Variants in TAOK3 observed in about 807,000 individuals in gnomAD.
TAOK3 encodes the protein serine/threonine-protein kinase TAO3.
TAOK3 carries 40 observed loss-of-function variants against 120.4 expected under a neutral mutation model. The ratio of observed to expected loss-of-function variants is 0.33; its 90% CI spans 0.26 to 0.43. The LOEUF (loss-of-function observed/expected upper bound fraction) is 0.43. TAOK3 is among the 20% of genes least tolerant of loss of function. TAOK3 has a pLI of 1.00. For missense variants in TAOK3, 821 were observed against 1,112.1 expected (o/e 0.74, Z 3.72); for synonymous variants, 355 against 387.5 (o/e 0.92, Z 0.99).
intron 17 of TAOK3, among the ~76,000 whole-genome samples, chr12:118,166,336 C>T (rs927702689): frequency 5.9e-5 from 9 of 152,070 alleles, no homozygotes; most frequent in African/African-American, 9.7e-5. Flanking sequence ...GTCAGGAGTT[C>T]GAGATCAGCC....
At chr12:118,187,077 G>A (rs1353913892) in intron 14 of TAOK3, among the ~76,000 whole-genome samples, 7 of 152,134 alleles carry the variant, frequency 4.6e-5, no homozygotes, top group South Asian at 2.1e-4. Context: ...TTGTCAGTTT[G>A]CAAGTAAATT....
intron 1 of TAOK3, among the ~76,000 whole-genome samples, chr12:118,338,556 G>C (rs991564604): frequency 6.6e-6 from 1 of 151,940 alleles, no homozygotes; most frequent in Non-Finnish European, 1.5e-5. Flanking sequence ...GGGAGGCCGA[G>C]GTGGGCGGAT....
At chr12:118,310,268 G>A (rs2043215042) in intron 1 of TAOK3, among the ~76,000 whole-genome samples, 1 of 152,192 alleles carries the variant, frequency 6.6e-6, no homozygotes, top group African/African-American at 2.4e-5. Flanking sequence ...CTACAACAGA[G>A]TGAGATTACA....
intron 11 of TAOK3, among the ~76,000 whole-genome samples, chr12:118,207,345 A>G (rs866524784): frequency 1.3e-5 from 2 of 151,242 alleles, no homozygotes; most frequent in Admixed American, 1.3e-4. Context: ...AAAAAAAAAA[A>G]GAAAGAAAAT....
chr12:118,333,996 G>A (rs551118866), intron 1 of TAOK3, among the ~76,000 whole-genome samples: 10 of 151,820 alleles, frequency 6.6e-5, no homozygotes, highest in South Asian at 4.2e-4. Flanking sequence ...TTAGCCAGGC[G>A]TGGTGGTGCA....
Position 118,244,939 on chromosome 12 carries a change from C to T in TAOK3, c.147G>A (p.Val49=). 1 of 1,610,368 alleles carries T rather than the reference C, an allele frequency of 6.2e-7. No individual in the cohort carries two copies. Among genetic ancestry groups the T allele is most frequent in the Non-Finnish European group, 8.5e-7 (1 of 1,177,108 alleles). The change falls in exon 4 of 21, where the codon GTG becomes GTA. Residue 49 remains valine, a synonymous_variant. Coordinates refer to ENST00000392533, the MANE Select transcript of TAOK3 (RefSeq NM_016281.4). ...YFATNAHTSE[V]VAIKKMSYSG... The stretch of plus-strand genomic sequence containing the variant: ...TATAGGACATCTTCTTAATTGCCAC[C>T]ACCTCACTGGTGTGAGCATTTGTAG...
At chr12:118,325,627 C>T (rs2043904691) in intron 1 of TAOK3, among the ~76,000 whole-genome samples, 1 of 152,032 alleles carries the variant, frequency 6.6e-6, no homozygotes, top group Non-Finnish European at 1.5e-5. Context: ...TAATCCTTGT[C>T]AGATAGGTAG....
intron 1 of TAOK3, among the ~76,000 whole-genome samples, chr12:118,333,201 T>C (rs571470110): frequency 2.0e-5 from 3 of 152,196 alleles, no homozygotes; most frequent in Non-Finnish European, 2.9e-5. Flanking sequence ...TCAAGTGCCA[T>C]GGAATATTCA....
chr12:118,367,722 A>T (rs189522429), intron 1 of TAOK3, among the ~76,000 whole-genome samples: 76 of 152,078 alleles, frequency 5.0e-4, no homozygotes, highest in African/African-American at 1.3e-3. Context: ...CTGAAAAGTC[A>T]TCTTTTTTCG....
In TAOK3 at chr12:118,241,552, T is replaced by G. The variant is rs184311397; in HGVS notation, c.294+1863A>C. On this transcript the variant is annotated intron_variant, in intron 5 of 20. Coordinates refer to ENST00000392533, the MANE Select transcript of TAOK3 (RefSeq NM_016281.4). ...ACTCAGCATTTTTGTCACAAATATTTTTTCCCCTATTATTCTATAACACAA... is the reference window on the plus strand; with the variant it reads ...ACTCAGCATTTTTGTCACAAATATTGTTTCCCCTATTATTCTATAACACAA... Among the ~76,000 whole-genome samples the G allele has an allele frequency of 2.8e-4, 42 of 152,310 alleles. 1 individual carries two copies. The highest frequency in any genetic ancestry group is 1.1e-3 in the Admixed American group (17 of 15,294).
chr12:118,212,392 T>C (rs911932012), intron 11 of TAOK3, among the ~76,000 whole-genome samples: 13 of 152,252 alleles, frequency 8.5e-5, no homozygotes, highest in African/African-American at 3.1e-4. Context: ...AAGAGATGCT[T>C]GGTGATAATT....
chr12:118,182,793 A>T (rs565896966), intron 14 of TAOK3, among the ~76,000 whole-genome samples: 4 of 151,796 alleles, frequency 2.6e-5, no homozygotes, highest in Non-Finnish European at 5.9e-5. Flanking sequence ...TTACCAAATT[A>T]TAATACATTC....
chr12:118,332,090 G>T (rs969284039), intron 1 of TAOK3, among the ~76,000 whole-genome samples: 1 of 152,216 alleles, frequency 6.6e-6, no homozygotes. Context: ...CTCCCACAGT[G>T]CTGGGATTAC....
intron 1 of TAOK3, among the ~76,000 whole-genome samples, chr12:118,305,630 C>A (rs558813272): frequency 6.6e-6 from 1 of 152,008 alleles, no homozygotes; most frequent in Non-Finnish European, 1.5e-5. Context: ...GGCGGCTGGG[C>A]GTGGTGGCTC....
intron 1 of TAOK3, among the ~76,000 whole-genome samples, chr12:118,351,383 A>T (rs2045145457): frequency 6.6e-6 from 1 of 152,162 alleles, no homozygotes; most frequent in African/African-American, 2.4e-5. Flanking sequence ...ATTCAGCACT[A>T]GTCCAAGGCC....
At position 118,152,331 on chromosome 12, in the gene TAOK3, C is replaced by A; in HGVS notation, c.2431G>T (p.Ala811Ser). 2 of 1,614,132 alleles carry A rather than the reference C, an allele frequency of 1.2e-6. No homozygotes were observed. The part of the protein sequence containing the change: ...QLQQEMELLN[A>S]YQSKIKMQTE... ...TGCATCTTGATTTTGCTCTGGTAGGCGTTGAGCAGCTCCATTTCCTGCTGG... is the reference window on the plus strand; with the variant it reads ...TGCATCTTGATTTTGCTCTGGTAGGAGTTGAGCAGCTCCATTTCCTGCTGG... Residue 811 changes from alanine to serine, a missense_variant, in exon 20 of 21, where the codon GCC becomes TCC. Physicochemically the swap from Ala to Ser is moderately conservative, Grantham distance 99 (BLOSUM62 1). This residue lies in a region of TAOK3 where 354 missense variants were observed against 572.1 expected (regional missense o/e 0.62). Coordinates refer to ENST00000392533, the MANE Select transcript of TAOK3 (RefSeq NM_016281.4).
At chr12:118,164,219 C>T (rs1191907444) in intron 17 of TAOK3, among the ~76,000 whole-genome samples, 36 of 150,660 alleles carry the variant, frequency 2.4e-4, no homozygotes, top group Admixed American at 9.2e-4. Flanking sequence ...CCCAGCTACT[C>T]GGAAGGCTGA....
At chr12:118,342,510 ATAGT>A (rs1165301617) in intron 1 of TAOK3, among the ~76,000 whole-genome samples, 3 of 152,212 alleles carry the variant, frequency 2.0e-5, no homozygotes, top group African/African-American at 4.8e-5. Flanking sequence ...AGAAATCAAC[ATAGT>A]TAAAGCCAGA....
intron 1 of TAOK3, among the ~76,000 whole-genome samples, chr12:118,369,326 C>T (rs1566185316): frequency 6.6e-6 from 1 of 152,134 alleles, no homozygotes; most frequent in African/African-American, 2.4e-5. Flanking sequence ...TCTCCTAACC[C>T]CCCAGGGAAT....
Sources: allele counts gnomAD v4.1 joint callset (sites outside exome capture counted in the v4.1 genomes callset), GRCh38; gene constraint gnomAD v4.1.1; regional missense constraint gnomAD v4.1.1; transcripts MANE v1.5; gene names NCBI Gene and HGNC (gene_info 2026-07-23, HGNC 2026-07-21).